The following B3GALT1 variants were observed in gnomAD, a reference collection of about 807,000 sequenced individuals.
B3GALT1 encodes the protein beta-1,3-galactosyltransferase 1.
B3GALT1 carries 10 observed loss-of-function variants against 23.2 expected under a neutral mutation model. The observed-to-expected ratio is 0.43, with a 90% confidence interval of 0.27 to 0.73. The LOEUF (loss-of-function observed/expected upper bound fraction) is 0.73, where lower values mean the gene tolerates loss of function less well. Among genes scored for constraint, B3GALT1 ranks in the 30% least tolerant of loss-of-function variants. B3GALT1 has a pLI of 0.21. For synonymous variants in B3GALT1, 156 were observed against 141.5 expected (o/e 1.10, Z -0.73); for missense variants, 299 against 405.4 (o/e 0.74, Z 2.25).
chr2:167,400,192 G>GTGTGTGTGTGTC (rs1698166015), intron 1 of B3GALT1, among the ~76,000 whole-genome samples: 1 of 149,088 alleles, frequency 6.7e-6, no homozygotes, highest in Non-Finnish European at 1.5e-5. Flanking sequence ...GTGTGTGTGT[G>GTGTGTGTGTGTC]TCTGTGTGTG....
At chr2:167,674,235 T>C (rs1686385124) in intron 3 of B3GALT1, among the ~76,000 whole-genome samples, 1 of 152,180 alleles carries the variant, frequency 6.6e-6, no homozygotes, top group African/African-American at 2.4e-5. Context: ...GCCAACAATC[T>C]GTTCAGAAAT....
intron 3 of B3GALT1, among the ~76,000 whole-genome samples, chr2:167,767,084 A>C (rs1412294058): frequency 6.6e-6 from 1 of 152,134 alleles, no homozygotes; most frequent in Admixed American, 6.6e-5. Context: ...ATTTCCCTGG[A>C]AAGTTCTGCT....
chr2:167,745,348 G>A (rs1687637263), intron 3 of B3GALT1, among the ~76,000 whole-genome samples: 2 of 150,656 alleles, frequency 1.3e-5, no homozygotes, highest in South Asian at 4.2e-4. Context: ...GGTTATCTAT[G>A]TAGACACTGT....
chr2:167,798,111 T>C (rs1018961496), intron 3 of B3GALT1, among the ~76,000 whole-genome samples: 1 of 152,244 alleles, frequency 6.6e-6, no homozygotes, highest in South Asian at 2.1e-4. Context: ...TGTCTGTTCA[T>C]GTCCTTTGCC....
chr2:167,851,613 T>C (rs1010783580), intron 4 of B3GALT1, among the ~76,000 whole-genome samples: 2 of 152,246 alleles, frequency 1.3e-5, no homozygotes, highest in African/African-American at 2.4e-5. Context: ...CTACCCAAAA[T>C]AATAAGGCTA....
intron 2 of B3GALT1, among the ~76,000 whole-genome samples, chr2:167,584,579 GCTC>G: frequency 6.6e-6 from 1 of 152,178 alleles, no homozygotes; most frequent in Admixed American, 6.5e-5. Context: ...CAGGTTGGGA[GCTC>G]AGTCCCCAAG....
intron 2 of B3GALT1, among the ~76,000 whole-genome samples, chr2:167,604,410 G>A (rs762847852): frequency 2.4e-4 from 36 of 152,160 alleles, no homozygotes; most frequent in Non-Finnish European, 4.9e-4. Context: ...ATGCAGTTGT[G>A]TATTTTGATA....
chr2:167,573,801 A>C (rs1431898), intron 2 of B3GALT1, among the ~76,000 whole-genome samples: 1 of 151,550 alleles, frequency 6.6e-6, no homozygotes, highest in East Asian at 1.9e-4. Flanking sequence ...TAGCATGACA[A>C]TTGGCTTATG....
intron 4 of B3GALT1, among the ~76,000 whole-genome samples, chr2:167,840,725 A>G (rs1689626218): frequency 6.6e-6 from 1 of 151,638 alleles, no homozygotes. Flanking sequence ...ACACATGCAC[A>G]TGTATGTTTA....
intron 2 of B3GALT1, among the ~76,000 whole-genome samples, chr2:167,612,636 G>A (rs1685088068): frequency 6.6e-6 from 1 of 151,762 alleles, no homozygotes; most frequent in Non-Finnish European, 1.5e-5. Flanking sequence ...TTAAAAATAT[G>A]AAATTTTTTG....
At chr2:167,604,885 C>T (rs1261754869) in intron 2 of B3GALT1, among the ~76,000 whole-genome samples, 8 of 152,166 alleles carry the variant, frequency 5.3e-5, no homozygotes, top group Admixed American at 2.0e-4. Flanking sequence ...CCTTTCAGGG[C>T]TACACCCTTT....
chr2:167,818,451 T>G (rs1342294411), intron 3 of B3GALT1, among the ~76,000 whole-genome samples: 1 of 152,192 alleles, frequency 6.6e-6, no homozygotes, highest in African/African-American at 2.4e-5. Flanking sequence ...GCATCTGAGT[T>G]TGTAATCCTA....
intron 2 of B3GALT1, among the ~76,000 whole-genome samples, chr2:167,571,437 A>G (rs1343164636): frequency 6.6e-6 from 1 of 151,844 alleles, no homozygotes; most frequent in Non-Finnish European, 1.5e-5. Flanking sequence ...CAAATTGAGG[A>G]TTATACTCCT....
In B3GALT1 at chr2:167,856,203, C is replaced by G. The variant is rs1689997072; in HGVS notation, c.-229-12608C>G. ...AAGTTTGTCTATGATACAAGTATCC[C>G]AAGAAATTTAACTCAAAACACTCAT... On this transcript the variant is annotated intron_variant, in intron 4 of 4. Transcript: ENST00000392690. 2.0e-5 allele frequency among the ~76,000 whole-genome samples: 3 copies of G among 152,140 alleles called. No individual in the cohort carries two copies. In the South Asian group the frequency reaches 6.2e-4, roughly 32 times the overall value.
chr2:167,704,237 A>AT (rs1207501620), intron 3 of B3GALT1, among the ~76,000 whole-genome samples: 1 of 151,690 alleles, frequency 6.6e-6, no homozygotes, highest in East Asian at 1.9e-4. Flanking sequence ...AAGTCATGGA[A>AT]TTATGAAGTT....
chr2:167,318,102 T>C (rs1023913270), intron 1 of B3GALT1, among the ~76,000 whole-genome samples: 1 of 151,206 alleles, frequency 6.6e-6, no homozygotes, highest in East Asian at 1.9e-4. Flanking sequence ...CCGAGGCGGG[T>C]GGATCATGAG....
intron 1 of B3GALT1, among the ~76,000 whole-genome samples, chr2:167,409,755 G>A (rs866353301): frequency 5.3e-5 from 8 of 151,834 alleles, no homozygotes; most frequent in Non-Finnish European, 7.4e-5. Flanking sequence ...TTAGAATGGC[G>A]ATCATTAAAA....
At chr2:167,799,354 T>C (rs559777320) in intron 3 of B3GALT1, among the ~76,000 whole-genome samples, 1 of 152,208 alleles carries the variant, frequency 6.6e-6, no homozygotes, top group African/African-American at 2.4e-5. Context: ...CCCTCCCCCT[T>C]GCAAGTCTCC....
chr2:167,440,134 G>A (rs1187896383), intron 1 of B3GALT1, among the ~76,000 whole-genome samples: 1 of 151,824 alleles, frequency 6.6e-6, no homozygotes, highest in Non-Finnish European at 1.5e-5. Context: ...ACGAGGTCAG[G>A]AGATCAAGAC....
Sources: gnomAD v4.1 joint callset for allele counts (sites outside exome capture counted in the v4.1 genomes callset) on GRCh38, gnomAD v4.1.1 for gene constraint, MANE v1.5 for transcripts, NCBI Gene and HGNC (gene_info 2026-07-23, HGNC 2026-07-21) for gene names.